DENND4C: variants seen among roughly 807,000 people sequenced by gnomAD.
DENND4C encodes DENN domain-containing protein 4C.
DENND4C carries 108 observed loss-of-function variants against 203.0 expected under a neutral mutation model. The ratio of observed to expected loss-of-function variants is 0.53; its 90% CI spans 0.46 to 0.62. The LOEUF is 0.62. DENND4C is among the 20% of genes least tolerant of loss of function. The pLI, the probability that DENND4C is intolerant of heterozygous loss-of-function variation, is 0.00. For missense variants in DENND4C, 2,481 were observed against 2,301.2 expected (o/e 1.08, Z -1.60); for synonymous variants, 871 against 792.4 (o/e 1.10, Z -1.67).
chr9:19,314,731 T>C (rs1163739115), intron 10 of DENND4C, among the ~76,000 whole-genome samples: 1 of 152,140 alleles, frequency 6.6e-6, no homozygotes, highest in Non-Finnish European at 1.5e-5. Flanking sequence ...ATTTCATTAA[T>C]AAAGGTACAA....
At chr9:19,304,796 G>A (rs546836554) in intron 9 of DENND4C, among the ~76,000 whole-genome samples, 2 of 144,370 alleles carry the variant, frequency 1.4e-5, no homozygotes, top group African/African-American at 2.6e-5. Flanking sequence ...TGATCCACCC[G>A]CCTTGGCCTC....
At chr9:19,241,133 C>G (rs1823593818) in intron 1 of DENND4C, among the ~76,000 whole-genome samples, 1 of 152,050 alleles carries the variant, frequency 6.6e-6, no homozygotes, top group Non-Finnish European at 1.5e-5. Context: ...AATGTGAAGG[C>G]CTAGGATATT....
chr9:19,234,529 T>C (rs1051742901), intron 1 of DENND4C, among the ~76,000 whole-genome samples: 33 of 105,554 alleles, frequency 3.1e-4, no homozygotes, highest in African/African-American at 1.0e-3. Flanking sequence ...AGCACCTGGC[T>C]GTTTTTTTTT....
At position 19,374,182 on chromosome 9, in the gene DENND4C, TTTG is replaced by T. The variant is rs1829296804; in HGVS notation, c.*2012_*2014del. The stretch of plus-strand genomic sequence containing the variant: ...TCTGTAATCTTTAGAATCCCAATAT[TTTG>T]TTTTTTCCATTCCTTCACTCGTAAC... On this transcript the variant is annotated 3_prime_UTR_variant, in exon 33 of 33. Transcript: ENST00000434457. Among the ~76,000 whole-genome samples the T allele has an allele frequency of 6.6e-6, 1 of 152,174 alleles. No individual in the cohort carries two copies. Among genetic ancestry groups the T allele is most frequent in the Non-Finnish European group, 1.5e-5 (1 of 68,020 alleles).
intron 2 of DENND4C, among the ~76,000 whole-genome samples, chr9:19,282,715 C>CTTTGTTTTTTTTTTTTTTTTT (rs1834347662): frequency 1.2e-5 from 1 of 86,638 alleles, no homozygotes; most frequent in African/African-American, 4.4e-5. Context: ...TTTCTTCTCT[C>CTTTGTTTTTTTTTTTTTTTTT]TTTTTTTTTT....
rs1374788627 is a variant in DENND4C at position 19,362,539 on chromosome 9, A to G, written c.5524+576A>G. ...AATTAATTCAAAGTGATTTGCTGTT[A>G]AAAAAAAAAGTACACACACACACAC... is the stretch of plus-strand genomic sequence containing the variant. On this transcript the variant is annotated intron_variant, in intron 30 of 32. Coordinates refer to ENST00000434457, the MANE Select transcript of DENND4C (RefSeq NM_001330640.2). 1.2e-4 allele frequency among the ~76,000 whole-genome samples: 9 copies of G among 76,060 alleles called. No homozygotes were observed. The South Asian group carries it at 3.0e-3, about 25-fold the overall frequency. 49.9% of individuals were successfully genotyped at this position (76,060 alleles called of 152,430 possible).
chr9:19,269,368 A>G (rs1831162305), intron 1 of DENND4C, among the ~76,000 whole-genome samples: 1 of 152,126 alleles, frequency 6.6e-6, no homozygotes, highest in Non-Finnish European at 1.5e-5. Flanking sequence ...CACGTTGGCC[A>G]GGCTGGTCTC....
At chr9:19,296,923 G>T (rs969333994) in intron 6 of DENND4C, among the ~76,000 whole-genome samples, 3 of 152,136 alleles carry the variant, frequency 2.0e-5, no homozygotes, top group Non-Finnish European at 2.9e-5. Context: ...TGAGTTAATT[G>T]ATGTTAAAAG....
chr9:19,319,068 C>T lies in DENND4C; in HGVS notation c.1807+2229C>T, dbSNP rs554377513. Among the ~76,000 whole-genome samples the T allele has an allele frequency of 3.3e-5, 5 of 151,750 alleles. No homozygotes were observed. The East Asian group carries it at 9.7e-4, about 29-fold the overall frequency. ...CCTGTAATCCCAGCTACTCAGGAGG[C>T]TGAGGCAGGAGAATCGCTTCATCCC... On this transcript the variant is annotated intron_variant, in intron 12 of 32. Coordinates refer to ENST00000434457, the MANE Select transcript of DENND4C (RefSeq NM_001330640.2).
chr9:19,293,524 A>G (rs1241571398), intron 5 of DENND4C, among the ~76,000 whole-genome samples: 1 of 152,092 alleles, frequency 6.6e-6, no homozygotes, highest in South Asian at 2.1e-4. Flanking sequence ...TTCCTGTGAT[A>G]TATATAATGA....
intron 12 of DENND4C, among the ~76,000 whole-genome samples, chr9:19,319,658 A>C (rs1428891323): frequency 6.6e-6 from 1 of 151,880 alleles, no homozygotes; most frequent in African/African-American, 2.4e-5. Context: ...TCACTAAAGG[A>C]ATTTGAAAAG....
chr9:19,242,301 A>C (rs1257058834), intron 1 of DENND4C, among the ~76,000 whole-genome samples: 1 of 152,198 alleles, frequency 6.6e-6, no homozygotes. Flanking sequence ...GATATATTCC[A>C]GTTTGTTTAT....
At chr9:19,363,281 G>A (rs955399345) in intron 30 of DENND4C, among the ~76,000 whole-genome samples, 4 of 152,064 alleles carry the variant, frequency 2.6e-5, no homozygotes, top group African/African-American at 7.2e-5. Context: ...TTGGGAGGCC[G>A]AGGGCGGGTG....
intron 30 of DENND4C, among the ~76,000 whole-genome samples, chr9:19,365,719 A>ATGAGCCG (rs747777117): frequency 1.3e-4 from 19 of 150,174 alleles, no homozygotes; most frequent in Admixed American, 2.7e-4. Flanking sequence ...AGAACTGCAT[A>ATGAGCCG]AGTTCAGCAA....
At chr9:19,231,999 G>C (rs901762091) in intron 1 of DENND4C, among the ~76,000 whole-genome samples, 1 of 152,164 alleles carries the variant, frequency 6.6e-6, no homozygotes, top group African/African-American at 2.4e-5. Context: ...CAGAAATGCA[G>C]AGCGTTGTAT....
At chr9:19,304,087 A>G (rs1839158742) in intron 9 of DENND4C, among the ~76,000 whole-genome samples, 1 of 149,434 alleles carries the variant, frequency 6.7e-6, no homozygotes, top group African/African-American at 2.4e-5. Context: ...AATTGAAGTA[A>G]AGCTTTGTAA....
intron 12 of DENND4C, among the ~76,000 whole-genome samples, chr9:19,319,457 T>G (rs982882254): frequency 6.8e-6 from 1 of 146,554 alleles, no homozygotes; most frequent in African/African-American, 2.5e-5. Flanking sequence ...TACATATATA[T>G]ATATAAATTT....
intron 13 of DENND4C, among the ~76,000 whole-genome samples, chr9:19,324,916 C>G (rs996787753): frequency 1.3e-5 from 2 of 152,080 alleles, no homozygotes; most frequent in African/African-American, 4.8e-5. Context: ...TGAGGTCTCA[C>G]TGTATTGCCC....
At chr9:19,233,099 A>T (rs778351365) in intron 1 of DENND4C, among the ~76,000 whole-genome samples, 1 of 151,948 alleles carries the variant, frequency 6.6e-6, no homozygotes, top group Non-Finnish European at 1.5e-5. Flanking sequence ...CCTTAAGTAC[A>T]GGTTGTAAAG....
Sources: gnomAD v4.1 joint callset for allele counts (sites outside exome capture counted in the v4.1 genomes callset) on GRCh38, gnomAD v4.1.1 for gene constraint, MANE v1.5 for transcripts, NCBI Gene and HGNC (gene_info 2026-07-23, HGNC 2026-07-21) for gene names.